CAMKMT: variants seen among roughly 807,000 people sequenced by gnomAD.
CAMKMT encodes calmodulin-lysine N-methyltransferase.
A neutral mutation model predicts 48.0 loss-of-function variants in CAMKMT; 53 were observed. The ratio of observed to expected loss-of-function variants is 1.10; its 90% confidence interval spans 0.89 to 1.39. The LOEUF (loss-of-function observed/expected upper bound fraction) is 1.39, where lower values mean the gene tolerates loss of function less well. Among genes scored for constraint, CAMKMT ranks in the 40% most tolerant of loss-of-function variants. The pLI is 0.00. For synonymous variants in CAMKMT, 165 were observed against 152.3 expected (o/e 1.08, Z -0.61); for missense variants, 428 against 402.7 (o/e 1.06, Z -0.54).
intron 3 of CAMKMT, among the ~76,000 whole-genome samples, chr2:44,491,580 G>A (rs192103867): frequency 7.7e-4 from 117 of 152,312 alleles, no homozygotes; most frequent in African/African-American, 2.7e-3. Context: ...ATTTAATTGA[G>A]CTATTCATAG....
At chr2:44,486,656 C>G (rs973026983) in intron 3 of CAMKMT, among the ~76,000 whole-genome samples, 1 of 152,220 alleles carries the variant, frequency 6.6e-6, no homozygotes, top group Non-Finnish European at 1.5e-5. Flanking sequence ...GAACTTTAGT[C>G]AGAGAGCTGA....
chr2:44,503,568 GA>G (rs976068096), intron 3 of CAMKMT, among the ~76,000 whole-genome samples: 2 of 152,142 alleles, frequency 1.3e-5, no homozygotes, highest in African/African-American at 4.8e-5. Flanking sequence ...CCTTTGAGAT[GA>G]AAATTTTCAA....
chr2:44,711,529 C>A (rs1677878008), intron 6 of CAMKMT, among the ~76,000 whole-genome samples: 1 of 152,134 alleles, frequency 6.6e-6, no homozygotes, highest in Non-Finnish European at 1.5e-5. Flanking sequence ...GTTGCCCAGG[C>A]AGTCTTGAAC....
chr2:44,727,141 T>G (rs1385864822), intron 7 of CAMKMT, among the ~76,000 whole-genome samples: 1 of 152,226 alleles, frequency 6.6e-6, no homozygotes, highest in East Asian at 1.9e-4. Flanking sequence ...ATAACCTTTT[T>G]CTAATTCTGC....
chr2:44,496,534 G>T (rs919474217), intron 3 of CAMKMT, among the ~76,000 whole-genome samples: 3 of 152,176 alleles, frequency 2.0e-5, no homozygotes, highest in South Asian at 4.1e-4. Flanking sequence ...TAGGTGACTT[G>T]TACGTATGCC....
intron 3 of CAMKMT, among the ~76,000 whole-genome samples, chr2:44,403,092 C>G (rs1254292288): frequency 6.6e-6 from 1 of 152,056 alleles, no homozygotes; most frequent in Non-Finnish European, 1.5e-5. Flanking sequence ...ATTACAGTTT[C>G]CTCTGTGGGA....
intron 7 of CAMKMT, among the ~76,000 whole-genome samples, chr2:44,733,305 A>T (rs1679179997): frequency 6.6e-6 from 1 of 152,212 alleles, no homozygotes; most frequent in South Asian, 2.1e-4. Context: ...TGTTGTAAAC[A>T]GTATAAAATT....
chr2:44,660,646 T>C (rs1674630971), intron 3 of CAMKMT, among the ~76,000 whole-genome samples: 1 of 152,254 alleles, frequency 6.6e-6, no homozygotes, highest in South Asian at 2.1e-4. Flanking sequence ...AGACAGGGTC[T>C]CACGCTGATG....
chr2:44,579,184 C>CA (rs1228967081), intron 3 of CAMKMT, among the ~76,000 whole-genome samples: 1 of 151,980 alleles, frequency 6.6e-6, no homozygotes, highest in Non-Finnish European at 1.5e-5. Context: ...CAGATTAGGG[C>CA]AGAAGGTTGT....
At chr2:44,540,698 C>T (rs1667051972) in intron 3 of CAMKMT, among the ~76,000 whole-genome samples, 1 of 152,192 alleles carries the variant, frequency 6.6e-6, no homozygotes, top group Non-Finnish European at 1.5e-5. Flanking sequence ...CTGCAGTGAG[C>T]TGTCATTGTG....
Position 44,419,690 on chromosome 2 carries a change from C to G in CAMKMT, c.376+29385C>G, listed in dbSNP as rs765215328. On this transcript the variant is annotated intron_variant, in intron 3 of 10. Transcript: ENST00000378494. ...TTCTGGGCTCAAGTAATCTTTCTGC[C>G]TTAAACTCCCAGGTAGCTAGGACAC... Among the ~76,000 whole-genome samples, 7 of 152,286 alleles carry G rather than the reference C, an allele frequency of 4.6e-5. No homozygotes were observed. The South Asian group carries it at 8.3e-4, about 18-fold the overall frequency.
intron 3 of CAMKMT, among the ~76,000 whole-genome samples, chr2:44,632,020 T>C (rs894408170): frequency 6.6e-6 from 1 of 152,164 alleles, no homozygotes; most frequent in South Asian, 2.1e-4. Context: ...ACATTTTACT[T>C]CTACAGATGT....
chr2:44,551,081 G>C (rs767699608), intron 3 of CAMKMT, among the ~76,000 whole-genome samples: 2 of 152,066 alleles, frequency 1.3e-5, no homozygotes, highest in Non-Finnish European at 2.9e-5. Flanking sequence ...ATAATTCCAG[G>C]TGGTGTTCTA....
At chr2:44,751,930 T>G (rs947719719) in intron 8 of CAMKMT, among the ~76,000 whole-genome samples, 4 of 150,842 alleles carry the variant, frequency 2.7e-5, no homozygotes, top group Non-Finnish European at 5.9e-5. Flanking sequence ...AAACAGGAGG[T>G]TCTTTCAACC....
intron 3 of CAMKMT, among the ~76,000 whole-genome samples, chr2:44,683,856 A>G (rs533934558): frequency 1.3e-5 from 2 of 151,212 alleles, no homozygotes; most frequent in South Asian, 2.1e-4. Flanking sequence ...AAAAGAAAAA[A>G]GAAAAAGAAA....
chr2:44,741,514 A>G (rs1039317438), intron 7 of CAMKMT, among the ~76,000 whole-genome samples: 3 of 152,228 alleles, frequency 2.0e-5, no homozygotes, highest in African/African-American at 7.2e-5. Flanking sequence ...CAGAAAGGTT[A>G]AATAATTGCC....
intron 3 of CAMKMT, among the ~76,000 whole-genome samples, chr2:44,629,058 C>T (rs750589936): frequency 3.9e-5 from 6 of 152,236 alleles, no homozygotes; most frequent in Non-Finnish European, 8.8e-5. Flanking sequence ...TTGTCATATT[C>T]TACATCCTTA....
chr2:44,429,674 G>A (rs1424605330), intron 3 of CAMKMT, among the ~76,000 whole-genome samples: 24 of 151,650 alleles, frequency 1.6e-4, no homozygotes, highest in Admixed American at 1.3e-3. Flanking sequence ...GGTGGCGGGC[G>A]CCTGTAGTCC....
intron 3 of CAMKMT, among the ~76,000 whole-genome samples, chr2:44,504,110 T>C (rs1423273646): frequency 6.6e-6 from 1 of 152,076 alleles, no homozygotes. Flanking sequence ...CCTTATTACT[T>C]CCCAAAGGCC....
Sources: allele counts gnomAD v4.1 joint callset (sites outside exome capture counted in the v4.1 genomes callset), GRCh38; gene constraint gnomAD v4.1.1; transcripts MANE v1.5; gene names NCBI Gene and HGNC (gene_info 2026-07-23, HGNC 2026-07-21).